Variants in AZI2 observed in about 807,000 individuals in gnomAD.
AZI2 encodes the protein 5-azacytidine-induced protein 2.
AZI2 carries 22 observed loss-of-function variants against 45.8 expected under a neutral mutation model. The observed-to-expected ratio is 0.48, with a 90% CI of 0.34 to 0.69. The LOEUF (loss-of-function observed/expected upper bound fraction) is 0.69, where lower values mean the gene tolerates loss of function less well. Among genes scored for constraint, AZI2 ranks in the 30% least tolerant of loss-of-function variants. The pLI, the probability that AZI2 is intolerant of heterozygous loss-of-function variation, is 0.01. For missense variants in AZI2, 417 were observed against 441.5 expected, an observed-to-expected ratio of 0.94 and a Z score of 0.50; for synonymous variants, 137 against 156.7, an observed-to-expected ratio of 0.87 and a Z score of 0.94.
At position 28,338,577 on chromosome 3, in the gene AZI2, T is replaced by C. The variant is rs768471635; in HGVS notation, c.255A>G (p.Gly85=). The C allele has an allele frequency of 1.9e-6, 3 of 1,610,514 alleles. No individual in the cohort carries two copies. Among genetic ancestry groups the C allele is most frequent in the Admixed American group, 3.3e-5 (2 of 59,936 alleles). The change falls in exon 3 of 8, where the codon GGA becomes GGG. Residue 85 remains glycine (G), a synonymous_variant. Coordinates refer to ENST00000479665, the MANE Select transcript of AZI2 (RefSeq NM_022461.5). ...ARFEEETSSV[G]REQVNKAYHA... ...GATAGGCCTTATTTACTTGTTCTCG[T>C]CCCACGGAACTTGTTTCTTCTTCAA...
intron 7 of AZI2, among the ~76,000 whole-genome samples, chr3:28,325,844 C>T (rs907164662): frequency 6.6e-6 from 1 of 150,950 alleles, no homozygotes; most frequent in African/African-American, 2.4e-5. Context: ...TTAAGCTGGA[C>T]TTGCTAAAAC....
chr3:28,329,946 T>C (rs1322066438), intron 6 of AZI2, among the ~76,000 whole-genome samples: 1 of 151,312 alleles, frequency 6.6e-6, no homozygotes, highest in African/African-American at 2.4e-5. Context: ...ATGCTTATTA[T>C]AACTAATAAA....
intron 6 of AZI2, among the ~76,000 whole-genome samples, chr3:28,327,319 A>C (rs1479805942): frequency 6.6e-6 from 1 of 151,228 alleles, no homozygotes; most frequent in Admixed American, 6.6e-5. Flanking sequence ...GATTAAGAGT[A>C]AAGTTACATT....
At chr3:28,329,631 A>G (rs1480253509) in intron 6 of AZI2, among the ~76,000 whole-genome samples, 4 of 151,298 alleles carry the variant, frequency 2.6e-5, no homozygotes, top group Non-Finnish European at 5.9e-5. Flanking sequence ...TTGAGTTTCT[A>G]CTTCAGCCAT....
At position 28,324,421 on chromosome 3, in the gene AZI2, C is replaced by A. The variant is rs546597949; in HGVS notation, c.800G>T (p.Gly267Val). ...CAPVGCSEDLGRDSTKLHLMN... is the reference protein window; with the variant it reads ...CAPVGCSEDLVRDSTKLHLMN... ...CAAGTGCAGTTTTGTGCTGTCTCTT[C>A]CAAGGTCTTCACTGCATCCTACAGG... Residue 267 changes from glycine to valine, a missense_variant, in exon 8 of 8, where the codon GGA (glycine) becomes GTA (valine). Coordinates refer to ENST00000479665, the MANE Select transcript of AZI2 (RefSeq NM_022461.5). 6.6e-5 allele frequency: 101 copies of A among 1,528,108 alleles called. 1 individual carries two copies. The South Asian group carries it at 1.2e-3, about 17-fold the overall frequency. The allele number at this position is 1,528,108 out of a possible 1,614,324, so 94.7% of individuals were successfully genotyped here. A position where few individuals can be genotyped will look rare whatever the true frequency, so the allele number is the denominator to read the frequency against.
chr3:28,324,050 T>C lies in AZI2; in HGVS notation c.1171A>G (p.Lys391Glu), dbSNP rs775240008. The part of the protein sequence containing the change: ...LDQHNQNCLY[K>E]N Reference sequence around the variant, plus strand: ...CGTGAATCTCTTCCAAATTAATTCTTATAAAGGCAGTTCTGATTATGTTGA... The same window carrying C: ...CGTGAATCTCTTCCAAATTAATTCTCATAAAGGCAGTTCTGATTATGTTGA... Residue 391 changes from lysine to glutamate, a missense_variant, in exon 8 of 8, where the codon AAG becomes GAG. By Grantham distance (56) the Lys-to-Glu change is moderately conservative. Transcript: ENST00000479665. The C allele has an allele frequency of 1.3e-5, 21 of 1,604,314 alleles. No homozygotes were observed. Among genetic ancestry groups the C allele is most frequent in the Non-Finnish European group, 1.6e-5 (19 of 1,173,552 alleles).
intron 6 of AZI2, among the ~76,000 whole-genome samples, chr3:28,327,179 T>C (rs1174778956): frequency 6.6e-6 from 1 of 151,028 alleles, no homozygotes; most frequent in Non-Finnish European, 1.5e-5. Context: ...TATTAAACGG[T>C]ATAATAAAAA....
chr3:28,324,290 A>G lies in AZI2; in HGVS notation c.931T>C (p.Ser311Pro). ...CATGATTGGAGGATTGCTTTCTCTG[A>G]TAAAACCTTTACATCTCCTGGTAAA... ...SPLPGDVKVL[S>P]EKAILQSWTD... The change falls in exon 8 of 8, where the codon TCA (serine) becomes CCA (proline). Residue 311 changes from serine (S) to proline (P), a missense_variant. Transcript: ENST00000479665. 1 of 1,608,560 alleles carries G rather than the reference A, an allele frequency of 6.2e-7. No individual in the cohort carries two copies. The highest frequency in any genetic ancestry group is 8.5e-7 in the Non-Finnish European group (1 of 1,176,354).
At chr3:28,326,206 G>A (rs1250480532) in intron 7 of AZI2, among the ~76,000 whole-genome samples, 4 of 151,048 alleles carry the variant, frequency 2.6e-5, no homozygotes, top group East Asian at 1.9e-4. Context: ...TAGCTTTGGC[G>A]AAAGTAGCTA....
At chr3:28,329,600 G>A (rs1452265776) in intron 6 of AZI2, among the ~76,000 whole-genome samples, 2 of 151,106 alleles carry the variant, frequency 1.3e-5, no homozygotes, top group South Asian at 2.1e-4. Context: ...ACTATTCCTT[G>A]TATAAGAAAA....
chr3:28,326,554 C>G (rs1279879544), intron 7 of AZI2: 4 of 223,864 alleles, frequency 1.8e-5, no homozygotes, highest in Non-Finnish European at 2.6e-5. Context: ...GCAAACTTAA[C>G]ACCTCAGTCT....
intron 6 of AZI2, 38 bp from the exon 7 acceptor site, chr3:28,326,988 ATT>A (rs1178959578): frequency 2.9e-6 from 4 of 1,374,002 alleles, no homozygotes; most frequent in East Asian, 2.4e-5. Context: ...AATACTCATC[ATT>A]CTTTTTTAGA....
chr3:28,330,395 A>C (rs1378944557), intron 6 of AZI2, among the ~76,000 whole-genome samples: 7 of 151,398 alleles, frequency 4.6e-5, no homozygotes, highest in Admixed American at 6.6e-5. Flanking sequence ...AATATTCCTT[A>C]AAAATATCTA....
In AZI2 at chr3:28,338,488, CTTACCATT is replaced by C; in HGVS notation, c.336_339+4del. On this transcript the variant is annotated splice_donor_variant and splice_donor_region_variant and coding_sequence_variant and intron_variant, in exon 3 of 8. Coordinates refer to ENST00000479665, the MANE Select transcript of AZI2 (RefSeq NM_022461.5). LOFTEE classifies it high-confidence loss of function. Reference sequence around the variant, plus strand: ...GCAGATGTCATTCGCTTCAAATCAACTTACCATTTTGTCCAGTTTGCTCTTCAAATTAT... The same window carrying C: ...GCAGATGTCATTCGCTTCAAATCAACTTGTCCAGTTTGCTCTTCAAATTAT... The C allele has an allele frequency of 6.5e-7, 1 of 1,539,630 alleles. No individual in the cohort carries two copies. The highest frequency in any genetic ancestry group is 8.9e-7 in the Non-Finnish European group (1 of 1,129,668).
Position 28,323,981 on chromosome 3 carries a change from C to T in AZI2, c.*61G>A. The T allele has an allele frequency of 6.7e-7, 1 of 1,489,648 alleles. No individual in the cohort carries two copies. 92.3% of individuals were successfully genotyped at this position (1,489,648 alleles called of 1,614,324 possible). A position where few individuals can be genotyped will look rare whatever the true frequency, so the allele number is the denominator to read the frequency against. ...CTCCTTTCAGTTTGTTAAATAATTT[C>T]TTGGGAGGACCACTGAAAGAGATAA... On this transcript the variant is annotated 3_prime_UTR_variant, in exon 8 of 8. Transcript: ENST00000479665.
chr3:28,345,376 C>A (rs551744278), intron 1 of AZI2, among the ~76,000 whole-genome samples: 9 of 152,174 alleles, frequency 5.9e-5, no homozygotes, highest in Non-Finnish European at 1.0e-4. Context: ...AAAGTAATTT[C>A]ACATTCATCA....
At chr3:28,344,399 T>C (rs899337899) in intron 1 of AZI2, among the ~76,000 whole-genome samples, 20 of 152,186 alleles carry the variant, frequency 1.3e-4, no homozygotes, top group Middle Eastern at 3.4e-3. Context: ...GATATCCCAT[T>C]ATATTTATTA....
chr3:28,338,726 G>T, intron 2 of AZI2, 111 bp from the exon 3 acceptor site: 2 of 967,646 alleles, frequency 2.1e-6, no homozygotes, highest in African/African-American at 1.7e-5. Context: ...AGGGGATAAA[G>T]CCTGGATTCA....
Position 28,332,405 on chromosome 3 carries a change from A to C in AZI2, c.611T>G (p.Leu204Arg). The change falls in exon 6 of 8, where the codon CTG becomes CGG. Residue 204 changes from leucine (L) to arginine (R), a missense_variant. By Grantham distance (102) the Leu-to-Arg change is moderately radical (BLOSUM62 -2). Coordinates refer to ENST00000479665, the MANE Select transcript of AZI2 (RefSeq NM_022461.5). ...TAGTTTTTGGAGATCTCTGCTCTTC[A>C]GATTGTCTTCCTGATATGGATCCTG... The part of the protein sequence containing the change: ...KQTDPYQEDN[L>R]KSRDLQKLSI... 4 of 1,608,784 alleles carry C rather than the reference A, an allele frequency of 2.5e-6. No homozygotes were observed. The highest frequency in any genetic ancestry group is 3.4e-6 in the Non-Finnish European group (4 of 1,176,414).
Sources: allele counts gnomAD v4.1 joint callset (sites outside exome capture counted in the v4.1 genomes callset), GRCh38; gene constraint gnomAD v4.1.1; transcripts MANE v1.5; gene names NCBI Gene and HGNC (gene_info 2026-07-23, HGNC 2026-07-21).